The following SNX16 variants were observed in gnomAD, a reference collection of about 807,000 sequenced individuals.
SNX16 encodes the protein sorting nexin-16.
In SNX16, 35 loss-of-function variants were observed where a neutral mutation model predicts 36.7. The ratio of observed to expected loss-of-function variants is 0.95; its 90% CI spans 0.73 to 1.27. The LOEUF (loss-of-function observed/expected upper bound fraction) is 1.27. Ranked by LOEUF, SNX16 falls within the 50% of genes most tolerant of loss-of-function variation. The pLI, the probability that SNX16 is intolerant of heterozygous loss-of-function variation, is 0.00. For missense variants in SNX16, 367 were observed against 393.6 expected, an observed-to-expected ratio of 0.93 and a Z score of 0.57; for synonymous variants, 134 against 132.0, an observed-to-expected ratio of 1.02 and a Z score of -0.10.
At chr8:81,832,524 C>G (rs1025468756) in intron 2 of SNX16, among the ~76,000 whole-genome samples, 3 of 152,034 alleles carry the variant, frequency 2.0e-5, no homozygotes, top group Non-Finnish European at 2.9e-5. Flanking sequence ...CAAACCTGCA[C>G]ATGTATCCTT....
chr8:81,816,221 A>AGCC (rs1810483774), intron 4 of SNX16, among the ~76,000 whole-genome samples: 1 of 144,976 alleles, frequency 6.9e-6, no homozygotes, highest in Admixed American at 7.3e-5. Flanking sequence ...TCTTGTTAAC[A>AGCC]GCCCAGGCTG....
At chr8:81,839,026 A>G (rs1324235440) in intron 2 of SNX16, among the ~76,000 whole-genome samples, 1 of 152,204 alleles carries the variant, frequency 6.6e-6, no homozygotes, top group African/African-American at 2.4e-5. Flanking sequence ...AATTCAAATT[A>G]AAACCACAAC....
At position 81,812,944 on chromosome 8, in the gene SNX16, T is replaced by A. The variant is rs76715637; in HGVS notation, c.681+2381A>T. Among the ~76,000 whole-genome samples the A allele has an allele frequency of 1.3e-3, 191 of 151,936 alleles. 2 individuals are homozygous for A. The East Asian group carries it at 0.022, about 18-fold the overall frequency. ...CACTGAAATATAATACCTTTAGCAG[T>A]CACTGAAAAATAAGAAAAAGTAAAA... On this transcript the variant is annotated intron_variant, in intron 5 of 7. Coordinates refer to ENST00000345957, the MANE Select transcript of SNX16 (RefSeq NM_152836.3).
Position 81,823,892 on chromosome 8 carries a change from A to G in SNX16, c.511T>C (p.Trp171Arg). 2.5e-6 allele frequency: 4 copies of G among 1,611,846 alleles called. No homozygotes were observed. Among genetic ancestry groups the G allele is most frequent in the Non-Finnish European group, 3.4e-6 (4 of 1,178,976 alleles). ...GFRLALPPKR[W>R]FKDNYNADFL... The stretch of plus-strand genomic sequence containing the variant: ...TCAGCATTGTAATTATCTTTAAACC[A>G]GCGTTTTGGAGGAAGTGCTAGTCGA... Residue 171 changes from tryptophan (W) to arginine (R), a missense_variant, in exon 4 of 8, where the codon TGG becomes CGG. By Grantham distance (101) the Trp-to-Arg change is moderately radical. Transcript: ENST00000345957.
chr8:81,806,794 C>CA (rs1809973238), intron 5 of SNX16, among the ~76,000 whole-genome samples: 1 of 151,806 alleles, frequency 6.6e-6, no homozygotes, highest in South Asian at 2.1e-4. Context: ...TATAAACTAA[C>CA]AAGAGAATGT....
chr8:81,814,447 G>A (rs6473311), intron 5 of SNX16, among the ~76,000 whole-genome samples: 100,596 of 151,860 alleles, frequency 0.66, 33,671 homozygotes, highest in South Asian at 0.69. Flanking sequence ...TAGAGAATGA[G>A]AGCAGATCAG....
chr8:81,825,001 T>C lies in SNX16; in HGVS notation c.463-1061A>G, dbSNP rs1253890279. On this transcript the variant is annotated intron_variant, in intron 3 of 7. Transcript: ENST00000345957. ...CAGCCATAAGCCTAATACTGGCCTCTCCAGGTGTCTTGGACTTTTCTTGCA... is the reference window on the plus strand; with the variant it reads ...CAGCCATAAGCCTAATACTGGCCTCCCCAGGTGTCTTGGACTTTTCTTGCA... Among the ~76,000 whole-genome samples, 11 of 152,258 alleles carry C rather than the reference T, an allele frequency of 7.2e-5. No individual in the cohort carries two copies. The South Asian group carries it at 2.1e-3, about 29-fold the overall frequency.
intron 3 of SNX16, among the ~76,000 whole-genome samples, chr8:81,828,855 A>C (rs926367237): frequency 6.6e-6 from 1 of 152,192 alleles, no homozygotes; most frequent in African/African-American, 2.4e-5. Context: ...AGTATGAATG[A>C]TTTCTGGCTG....
At chr8:81,819,229 G>T (rs1043845374) in intron 4 of SNX16, among the ~76,000 whole-genome samples, 1 of 152,030 alleles carries the variant, frequency 6.6e-6, no homozygotes, top group Non-Finnish European at 1.5e-5. Flanking sequence ...TTCTAAAAAT[G>T]GAGAATGGTA....
intron 2 of SNX16, among the ~76,000 whole-genome samples, chr8:81,832,897 T>C (rs950714361): frequency 2.0e-5 from 3 of 150,854 alleles, no homozygotes; most frequent in African/African-American, 7.3e-5. Flanking sequence ...AAAAAGTAAC[T>C]TCTTTTCTGG....
At chr8:81,820,370 T>C (rs114559859) in intron 4 of SNX16, among the ~76,000 whole-genome samples, 1,809 of 152,208 alleles carry the variant, frequency 0.012, 31 homozygotes, top group African/African-American at 0.042. Context: ...ATTGCAGAGA[T>C]AGTTAAAATC....
At chr8:81,828,730 C>A (rs1811117371) in intron 3 of SNX16, among the ~76,000 whole-genome samples, 1 of 152,200 alleles carries the variant, frequency 6.6e-6, no homozygotes, top group East Asian at 1.9e-4. Flanking sequence ...TTTTCTCTAG[C>A]TGGTGGCAGA....
intron 5 of SNX16, 123 bp from the exon 6 acceptor site, chr8:81,803,351 G>A (rs1809793216): frequency 1.0e-6 from 1 of 975,100 alleles, no homozygotes. Context: ...CAAAATAATA[G>A]TATGAAACTC....
chr8:81,829,886 A>C (rs1264717287), intron 2 of SNX16, among the ~76,000 whole-genome samples: 1 of 152,186 alleles, frequency 6.6e-6, no homozygotes, highest in Non-Finnish European at 1.5e-5. Context: ...AAACTTAATA[A>C]CTATCAAGCA....
Position 81,808,408 on chromosome 8 carries a change from A to T in SNX16, c.682-5180T>A, listed in dbSNP as rs1418235945. ...GGTTGTGGAGGTGTTTTCGGTGGGA[A>T]TGACAACTTTGGTTGTGGAGGAAAC... On this transcript the variant is annotated intron_variant, in intron 5 of 7. Coordinates refer to ENST00000345957, the MANE Select transcript of SNX16 (RefSeq NM_152836.3). 3.2e-6 allele frequency: 4 copies of T among 1,232,320 alleles called. No homozygotes were observed. In the African/African-American group the frequency reaches 4.4e-5, roughly 14 times the overall value. The allele number at this position is 1,232,320 out of a possible 1,614,324, so 76.3% of individuals were successfully genotyped here.
intron 4 of SNX16, among the ~76,000 whole-genome samples, chr8:81,819,134 G>A (rs1245306960): frequency 6.6e-6 from 1 of 152,016 alleles, no homozygotes; most frequent in East Asian, 1.9e-4. Context: ...ATAAATGATA[G>A]TGTGAAGACA....
chr8:81,829,132 T>A (rs1007593065), intron 3 of SNX16, among the ~76,000 whole-genome samples: 1 of 152,170 alleles, frequency 6.6e-6, no homozygotes, highest in Non-Finnish European at 1.5e-5. Flanking sequence ...TAATACAATA[T>A]GTTAAATATG....
intron 5 of SNX16, among the ~76,000 whole-genome samples, chr8:81,807,456 T>C (rs1207821444): frequency 7.1e-6 from 1 of 141,786 alleles, no homozygotes; most frequent in Non-Finnish European, 1.5e-5. Context: ...GAGGCAGACG[T>C]TGCAGTGAGC....
Position 81,838,113 on chromosome 8 carries a change from A to G in SNX16, c.375+1499T>C, listed in dbSNP as rs143561657. 1.8e-4 allele frequency among the ~76,000 whole-genome samples: 28 copies of G among 152,314 alleles called. No homozygotes were observed. In the East Asian group the frequency reaches 5.0e-3, roughly 27 times the overall value. On this transcript the variant is annotated intron_variant, in intron 2 of 7. Coordinates refer to ENST00000345957, the MANE Select transcript of SNX16 (RefSeq NM_152836.3). Reference sequence around the variant, plus strand: ...ATTATATAAAATAGCAGTAAATAGAAAACAAAAATAGATGTCTCTCACAAG... The same window carrying G: ...ATTATATAAAATAGCAGTAAATAGAGAACAAAAATAGATGTCTCTCACAAG...
Sources: allele counts gnomAD v4.1 joint callset (sites outside exome capture counted in the v4.1 genomes callset), GRCh38; gene constraint gnomAD v4.1.1; transcripts MANE v1.5; gene names NCBI Gene and HGNC (gene_info 2026-07-23, HGNC 2026-07-21).